Variants in ORC5 observed in about 807,000 individuals in gnomAD.
ORC5 encodes origin recognition complex subunit 5, also known as protein phosphatase 1, regulatory subunit 117.
A neutral mutation model predicts 58.8 loss-of-function variants in ORC5; 39 were observed. The observed-to-expected ratio is 0.66, with a 90% CI of 0.51 to 0.87. The LOEUF is 0.87. Ranked by LOEUF, ORC5 falls within the 40% of genes least tolerant of loss-of-function variation. The pLI is 0.00. For synonymous variants in ORC5, 218 were observed against 177.6 expected (o/e 1.23, Z -1.81); for missense variants, 493 against 506.3 (o/e 0.97, Z 0.25).
intron 8 of ORC5, among the ~76,000 whole-genome samples, chr7:104,180,888 T>C (rs1232122601): frequency 1.3e-5 from 2 of 152,200 alleles, no homozygotes; most frequent in African/African-American, 2.4e-5. Context: ...TGGTAAACTT[T>C]CATCAAATTT....
rs572972601 is a variant in ORC5, at chr7:104,158,840, G to C, written c.1149+2232C>G. On this transcript the variant is annotated intron_variant, in intron 12 of 13. Transcript: ENST00000297431. ...AAGTCAGGAAACAACAGGTGCTGGA[G>C]AGGATGTGGAGAAATAGGAACACTT... Among the ~76,000 whole-genome samples, 173 of 152,036 alleles carry C rather than the reference G, an allele frequency of 1.1e-3. 1 individual carries two copies. The highest frequency in any genetic ancestry group is 1.9e-3 in the Non-Finnish European group (128 of 67,998).
intron 12 of ORC5, among the ~76,000 whole-genome samples, chr7:104,160,805 T>C (rs909774634): frequency 7.9e-5 from 12 of 152,154 alleles, no homozygotes; most frequent in Non-Finnish European, 1.6e-4. Context: ...ATAATTATGA[T>C]TATTTAATTT....
chr7:104,194,605 G>C (rs143279146), intron 5 of ORC5, among the ~76,000 whole-genome samples: 48 of 152,080 alleles, frequency 3.2e-4, no homozygotes, highest in Middle Eastern at 3.4e-3. Flanking sequence ...ATGAGTTACA[G>C]TAAAGAAAAT....
intron 5 of ORC5, among the ~76,000 whole-genome samples, chr7:104,194,939 G>T (rs762645378): frequency 6.6e-6 from 1 of 152,056 alleles, no homozygotes; most frequent in Non-Finnish European, 1.5e-5. Flanking sequence ...TTAATACTTT[G>T]ATATTCCCAT....
intron 12 of ORC5, among the ~76,000 whole-genome samples, chr7:104,144,828 T>A (rs981205338): frequency 1.3e-5 from 2 of 152,228 alleles, no homozygotes; most frequent in Non-Finnish European, 2.9e-5. Context: ...TAAATGTTCA[T>A]GACAATATGA....
chr7:104,134,147 C>T lies in ORC5; in HGVS notation c.1262+2634G>A, dbSNP rs566678950. ...GTCAAGAATTTAGGTGGAGGCTGGG[C>T]GCGGTGGCTCACACCTGTAATCCCA... On this transcript the variant is annotated intron_variant, in intron 13 of 13. Coordinates refer to ENST00000297431, the MANE Select transcript of ORC5 (RefSeq NM_002553.4). 1.4e-3 allele frequency among the ~76,000 whole-genome samples: 218 copies of T among 152,076 alleles called. 1 individual carries two copies. The highest frequency in any genetic ancestry group is 1.6e-3 in the Non-Finnish European group (108 of 67,970).
chr7:104,155,648 C>A (rs1387881133), intron 12 of ORC5, among the ~76,000 whole-genome samples: 2 of 151,304 alleles, frequency 1.3e-5, no homozygotes, highest in African/African-American at 4.8e-5. Context: ...GAAACCTATA[C>A]CAATGATTTT....
intron 12 of ORC5, among the ~76,000 whole-genome samples, chr7:104,137,500 T>C (rs899450437): frequency 6.6e-6 from 1 of 152,002 alleles, no homozygotes; most frequent in Non-Finnish European, 1.5e-5. Flanking sequence ...ATTTCAGTTT[T>C]TGTGCCTAAA....
At chr7:104,163,636 A>G (rs1799060309) in intron 11 of ORC5, among the ~76,000 whole-genome samples, 1 of 151,884 alleles carries the variant, frequency 6.6e-6, no homozygotes, top group Non-Finnish European at 1.5e-5. Context: ...ACAGGCGCCC[A>G]CCATCATGCC....
At position 104,188,059 on chromosome 7, in the gene ORC5, C is replaced by G. The variant is rs370424022; in HGVS notation, c.684+192G>C. ...AACAATCAAAGTTTGTACTAACCCACAGACATCTACCTTCTTATGGTATGT... is the reference window on the plus strand; with the variant it reads ...AACAATCAAAGTTTGTACTAACCCAGAGACATCTACCTTCTTATGGTATGT... On this transcript the variant is annotated intron_variant, in intron 6 of 13. Transcript: ENST00000297431. 7.3e-5 allele frequency: 73 copies of G among 993,490 alleles called. No homozygotes were observed. In the African/African-American group the frequency reaches 1.1e-3, roughly 15 times the overall value. The allele number at this position is 993,490 out of a possible 1,614,324, so 61.5% of individuals were successfully genotyped here.
At chr7:104,194,191 T>C (rs1276599454) in intron 5 of ORC5, among the ~76,000 whole-genome samples, 1 of 149,692 alleles carries the variant, frequency 6.7e-6, no homozygotes, top group Non-Finnish European at 1.5e-5. Flanking sequence ...TTAATGACAA[T>C]AAAGACTCCA....
chr7:104,185,914 C>T (rs915765059), intron 6 of ORC5, among the ~76,000 whole-genome samples: 5 of 151,362 alleles, frequency 3.3e-5, no homozygotes, highest in Non-Finnish European at 5.9e-5. Context: ...TAACAGAAAA[C>T]TAAGAACCAA....
At chr7:104,199,318 A>G (rs1452911461) in intron 3 of ORC5, among the ~76,000 whole-genome samples, 3 of 152,224 alleles carry the variant, frequency 2.0e-5, no homozygotes, top group Non-Finnish European at 4.4e-5. Context: ...CAGAGAGGGC[A>G]ACTGTACCCC....
rs547474805 is a variant in ORC5 at position 104,205,047 on chromosome 7, T to A, written c.73-813A>T. Among the ~76,000 whole-genome samples, 4 of 150,954 alleles carry A rather than the reference T, an allele frequency of 2.6e-5. No homozygotes were observed. The East Asian group carries it at 5.8e-4, about 22-fold the overall frequency. Reference sequence around the variant, plus strand: ...TGGAGGAAATTATAGTCTACATTTTTAAAATAATTACGGGAAAACTTGATT... The same window carrying A: ...TGGAGGAAATTATAGTCTACATTTTAAAAATAATTACGGGAAAACTTGATT... On this transcript the variant is annotated intron_variant, in intron 1 of 13. Coordinates refer to ENST00000297431, the MANE Select transcript of ORC5 (RefSeq NM_002553.4).
intron 4 of ORC5, among the ~76,000 whole-genome samples, chr7:104,196,129 G>A (rs1258388331): frequency 1.3e-5 from 2 of 152,126 alleles, no homozygotes; most frequent in Non-Finnish European, 2.9e-5. Flanking sequence ...AACAGTTTCT[G>A]TAATTGAAAC....
rs1014163785 is a variant in ORC5 at position 104,193,300 on chromosome 7, A to G, written c.553+1843T>C. The stretch of plus-strand genomic sequence containing the variant: ...TAAATATAGAAGTAAAATGTAAGAC[A>G]ACAGCAGTACAAATGTTCTTAGGTA... On this transcript the variant is annotated intron_variant, in intron 5 of 13. Transcript: ENST00000297431. Among the ~76,000 whole-genome samples the G allele has an allele frequency of 2.0e-5, 3 of 152,200 alleles. No individual in the cohort carries two copies. In the East Asian group the frequency reaches 5.8e-4, roughly 29 times the overall value.
intron 8 of ORC5, among the ~76,000 whole-genome samples, chr7:104,175,202 C>A (rs986799915): frequency 6.6e-6 from 1 of 152,034 alleles, no homozygotes; most frequent in Non-Finnish European, 1.5e-5. Context: ...ACGGATTTGC[C>A]GCTGGTAACA....
chr7:104,161,870 G>C (rs190248082), intron 11 of ORC5, among the ~76,000 whole-genome samples: 1 of 152,284 alleles, frequency 6.6e-6, no homozygotes, highest in East Asian at 1.9e-4. Flanking sequence ...TTCCTAAGTT[G>C]TAGACTAGAG....
intron 13 of ORC5, among the ~76,000 whole-genome samples, chr7:104,134,763 C>G (rs1249851393): frequency 2.0e-5 from 3 of 151,912 alleles, no homozygotes; most frequent in Non-Finnish European, 2.9e-5. Context: ...ATGAGGAAGA[C>G]TATTAGGAGA....
Sources: allele counts gnomAD v4.1 joint callset (sites outside exome capture counted in the v4.1 genomes callset), GRCh38; gene constraint gnomAD v4.1.1; transcripts MANE v1.5; gene names NCBI Gene and HGNC (gene_info 2026-07-23, HGNC 2026-07-21).